Variants in OXR1 observed in about 807,000 individuals in gnomAD.
The protein encoded by OXR1 is oxidation resistance protein 1.
OXR1 carries 41 observed loss-of-function variants against 104.6 expected under a neutral mutation model. The observed-to-expected ratio is 0.39, with a 90% confidence interval of 0.31 to 0.51. The LOEUF is 0.51. Among genes scored for constraint, OXR1 ranks in the 20% least tolerant of loss-of-function variants. The pLI is 0.77. For synonymous variants in OXR1, 348 were observed against 348.4 expected (o/e 1.00, Z 0.01); for missense variants, 955 against 1,031.9 (o/e 0.93, Z 1.02).
chr8:106,487,867 A>G (rs369907783), intron 2 of OXR1, among the ~76,000 whole-genome samples: 6 of 151,616 alleles, frequency 4.0e-5, no homozygotes, highest in African/African-American at 7.3e-5. Flanking sequence ...ATTGTGAATA[A>G]TGCCGCAATA....
At chr8:106,594,746 C>T (rs1819383968) in intron 3 of OXR1, among the ~76,000 whole-genome samples, 1 of 152,180 alleles carries the variant, frequency 6.6e-6, no homozygotes, top group South Asian at 2.1e-4. Context: ...TGCTAAGACT[C>T]AGAACTGACC....
At position 106,500,265 on chromosome 8, in the gene OXR1, C is replaced by T. The variant is rs535463627; in HGVS notation, c.24-18678C>T. Among the ~76,000 whole-genome samples the T allele has an allele frequency of 5.9e-5, 9 of 152,256 alleles. No homozygotes were observed. The East Asian group carries it at 1.7e-3, about 29-fold the overall frequency. ...AAGAAAAAACAACAAGGAAGTAAAACCAAAGACAGGCAGTCCGGCGCCAGG... is the reference window on the plus strand; with the variant it reads ...AAGAAAAAACAACAAGGAAGTAAAATCAAAGACAGGCAGTCCGGCGCCAGG... On this transcript the variant is annotated intron_variant, in intron 2 of 16. Coordinates refer to ENST00000517566, the MANE Select transcript of OXR1 (RefSeq NM_001198533.2).
At chr8:106,281,657 G>A (rs1043097791) in intron 1 of OXR1, among the ~76,000 whole-genome samples, 5 of 152,028 alleles carry the variant, frequency 3.3e-5, no homozygotes, top group Middle Eastern at 3.4e-3. Flanking sequence ...AAAATTAGCC[G>A]GGTGCACTGG....
chr8:106,731,481 G>T (rs1164009558), intron 11 of OXR1, among the ~76,000 whole-genome samples: 1 of 152,020 alleles, frequency 6.6e-6, no homozygotes, highest in South Asian at 2.1e-4. Flanking sequence ...ATCTAAAAGT[G>T]CACCTTCAGA....
intron 2 of OXR1, among the ~76,000 whole-genome samples, chr8:106,417,030 T>G (rs1159652603): frequency 6.6e-6 from 1 of 152,086 alleles, no homozygotes; most frequent in African/African-American, 2.4e-5. Flanking sequence ...GAAGAATGAG[T>G]ACTATAAGGA....
intron 3 of OXR1, 131 bp downstream of exon 3, chr8:106,519,270 C>A: frequency 1.5e-6 from 1 of 651,456 alleles, no homozygotes; most frequent in Non-Finnish European, 2.7e-6. Context: ...TTTATTTGGA[C>A]ATTTTCTTAT....
intron 5 of OXR1, 137 bp from the exon 6 acceptor site, chr8:106,684,109 T>C: frequency 1.8e-6 from 1 of 547,008 alleles, no homozygotes; most frequent in Non-Finnish European, 3.2e-6. Context: ...TTAAAAATGT[T>C]TTTATATTCT....
intron 3 of OXR1, chr8:106,618,017 G>A: frequency 6.6e-7 from 1 of 1,504,454 alleles, no homozygotes. Flanking sequence ...TGCCACCAGG[G>A]GTCAGGGACC....
At chr8:106,463,941 T>C (rs1325151629) in intron 2 of OXR1, among the ~76,000 whole-genome samples, 5 of 152,154 alleles carry the variant, frequency 3.3e-5, no homozygotes, top group Non-Finnish European at 5.9e-5. Context: ...CCTCAGTTTC[T>C]TCATAGATAC....
At chr8:106,272,253 G>A (rs1039690842) in intron 1 of OXR1, 3 of 152,288 alleles carry the variant, frequency 2.0e-5, no homozygotes, top group African/African-American at 7.2e-5. Context: ...CCGGCGTTGG[G>A]TGAGAGTGGG....
At chr8:106,533,592 T>C (rs1266058281) in intron 3 of OXR1, among the ~76,000 whole-genome samples, 1 of 152,156 alleles carries the variant, frequency 6.6e-6, no homozygotes, top group East Asian at 1.9e-4. Context: ...CTGAGACCTT[T>C]CTCCTATATT....
At chr8:106,638,348 A>AT (rs1489510939) in intron 3 of OXR1, among the ~76,000 whole-genome samples, 1 of 138,862 alleles carries the variant, frequency 7.2e-6, no homozygotes, top group Non-Finnish European at 1.6e-5. Context: ...CTAACCGGGA[A>AT]TTACTACCCT....
chr8:106,274,845 G>A lies in OXR1; in HGVS notation c.-139+4478G>A, dbSNP rs780068179. 2.0e-5 allele frequency among the ~76,000 whole-genome samples: 3 copies of A among 152,338 alleles called. No homozygotes were observed. In the South Asian group the frequency reaches 6.2e-4, roughly 32 times the overall value. On this transcript the variant is annotated intron_variant, in intron 1 of 16. Coordinates refer to ENST00000517566, the MANE Select transcript of OXR1 (RefSeq NM_001198533.2). ...GGAATAGTGAAAGACCTGAGGAAAA[G>A]ATGACTTCAGTGTAAGCAACACTGG...
chr8:106,628,794 G>A (rs984938337), intron 3 of OXR1, among the ~76,000 whole-genome samples: 1 of 152,112 alleles, frequency 6.6e-6, no homozygotes, highest in Non-Finnish European at 1.5e-5. Context: ...CTTCACGTAT[G>A]CAGCACTGTG....
chr8:106,597,322 A>G (rs755747357), intron 3 of OXR1, among the ~76,000 whole-genome samples: 22 of 152,062 alleles, frequency 1.4e-4, no homozygotes, highest in Non-Finnish European at 4.4e-5. Context: ...AGTTAGAGTG[A>G]GATGATGTCT....
intron 3 of OXR1, among the ~76,000 whole-genome samples, chr8:106,561,662 C>A (rs1244323952): frequency 6.6e-6 from 1 of 152,320 alleles, no homozygotes; most frequent in East Asian, 1.9e-4. Flanking sequence ...GGTCCCTGAC[C>A]CCCGTGCCTC....
intron 3 of OXR1, among the ~76,000 whole-genome samples, chr8:106,534,949 C>T (rs931271374): frequency 1.3e-5 from 2 of 151,988 alleles, no homozygotes; most frequent in Non-Finnish European, 2.9e-5. Context: ...AAAGCTAGCA[C>T]GAGGTTTTTT....
At chr8:106,718,542 A>C (rs1587224990) in intron 11 of OXR1, among the ~76,000 whole-genome samples, 1 of 152,126 alleles carries the variant, frequency 6.6e-6, no homozygotes, top group East Asian at 1.9e-4. Context: ...CACATGATAA[A>C]GAGTACTTTG....
intron 2 of OXR1, among the ~76,000 whole-genome samples, chr8:106,502,289 G>T (rs1035387612): frequency 6.6e-6 from 1 of 152,040 alleles, no homozygotes; most frequent in African/African-American, 2.4e-5. Context: ...TTTGTACCAG[G>T]CACCACAAAT....
Sources: gnomAD v4.1 joint callset for allele counts (sites outside exome capture counted in the v4.1 genomes callset) on GRCh38, gnomAD v4.1.1 for gene constraint, MANE v1.5 for transcripts, NCBI Gene and HGNC (gene_info 2026-07-23, HGNC 2026-07-21) for gene names.